SLC5A8: variants seen among roughly 807,000 people sequenced by gnomAD.
SLC5A8 encodes sodium-coupled monocarboxylate transporter 1.
SLC5A8 carries 55 observed loss-of-function variants against 71.9 expected under a neutral mutation model. The observed-to-expected ratio is 0.77, with a 90% confidence interval of 0.62 to 0.96. The LOEUF (loss-of-function observed/expected upper bound fraction) is 0.96. SLC5A8 is among the 40% of genes least tolerant of loss of function. The pLI, the probability that SLC5A8 is intolerant of heterozygous loss-of-function variation, is 0.00. For missense variants in SLC5A8, 701 were observed against 745.3 expected (o/e 0.94, Z 0.69); for synonymous variants, 307 against 276.1 (o/e 1.11, Z -1.11).
chr12:101,199,102 T>C (rs1869322375), intron 3 of SLC5A8, among the ~76,000 whole-genome samples: 1 of 151,976 alleles, frequency 6.6e-6, no homozygotes, highest in African/African-American at 2.4e-5. Context: ...TGTATTTTTA[T>C]ACACTTGCAA....
chr12:101,165,869 T>C (rs1454510818), intron 12 of SLC5A8, among the ~76,000 whole-genome samples: 2 of 152,210 alleles, frequency 1.3e-5, no homozygotes, highest in African/African-American at 2.4e-5. Context: ...TGGACACTTA[T>C]ATATCCACTA....
chr12:101,190,771 C>T (rs1270169150), intron 5 of SLC5A8, among the ~76,000 whole-genome samples, 163 bp from the exon 6 acceptor site: 2 of 152,026 alleles, frequency 1.3e-5, no homozygotes, highest in African/African-American at 2.4e-5. Context: ...ATATTTCCAA[C>T]TTAAGTTCAA....
At chr12:101,181,186 A>C (rs1258477625) in intron 9 of SLC5A8, among the ~76,000 whole-genome samples, 3 of 152,324 alleles carry the variant, frequency 2.0e-5, no homozygotes, top group Admixed American at 6.5e-5. Context: ...TTGAGTAAAT[A>C]ATGCATCTGA....
intron 11 of SLC5A8, among the ~76,000 whole-genome samples, chr12:101,166,964 C>T (rs954482768): frequency 9.2e-5 from 14 of 151,542 alleles, no homozygotes; most frequent in Non-Finnish European, 1.3e-4. Flanking sequence ...AGATAATCTG[C>T]TGGTGAAAAA....
In SLC5A8 at chr12:101,155,828, G is replaced by A. The variant is rs1445333378; in HGVS notation, c.*1451C>T. 1 of 143,710 alleles carries A rather than the reference G, an allele frequency of 7.0e-6. No homozygotes were observed. Among genetic ancestry groups the A allele is most frequent in the Non-Finnish European group, 1.5e-5 (1 of 66,534 alleles). The allele number at this position is 143,710 out of a possible 1,614,324, so 8.9% of individuals were successfully genotyped here. A position where few individuals can be genotyped will look rare whatever the true frequency, so the allele number is the denominator to read the frequency against. On this transcript the variant is annotated 3_prime_UTR_variant, in exon 15 of 15. Transcript: ENST00000536262. ...TTTTTTTTTTAAATTTCTTAACATTGTCAGTTAGCAACCTCTAAATGTACA... is the reference window on the plus strand; with the variant it reads ...TTTTTTTTTTAAATTTCTTAACATTATCAGTTAGCAACCTCTAAATGTACA...
chr12:101,179,637 G>C, intron 10 of SLC5A8, among the ~76,000 whole-genome samples: 1 of 152,296 alleles, frequency 6.6e-6, no homozygotes, highest in African/African-American at 2.4e-5. Flanking sequence ...GGAGGGAGTA[G>C]GGGCAGAAGG....
At chr12:101,174,000 T>G (rs181206819) in intron 10 of SLC5A8, among the ~76,000 whole-genome samples, 1 of 152,252 alleles carries the variant, frequency 6.6e-6, no homozygotes, top group East Asian at 1.9e-4. Context: ...AGGTTTTTCA[T>G]GGTGGCAATT....
Position 101,155,702 on chromosome 12 carries a change from T to G in SLC5A8, c.*1577A>C, listed in dbSNP as rs1023919828. 4 of 151,580 alleles carry G rather than the reference T, an allele frequency of 2.6e-5. No homozygotes were observed. The highest frequency in any genetic ancestry group is 2.0e-4 in the Admixed American group (3 of 15,200). 9.4% of individuals were successfully genotyped at this position (151,580 alleles called of 1,614,324 possible). A position where few individuals can be genotyped will look rare whatever the true frequency, so the allele number is the denominator to read the frequency against. On this transcript the variant is annotated 3_prime_UTR_variant, in exon 15 of 15. Transcript: ENST00000536262. The stretch of plus-strand genomic sequence containing the variant: ...TTTTTGTAGAGATGAGGTCTAACTA[T>G]GTTTCCAGGCTGGACTTAAACTCTG...
At chr12:101,162,192 T>A (rs1216821776) in intron 12 of SLC5A8, 115 bp from the exon 13 acceptor site, 3 of 674,172 alleles carry the variant, frequency 4.4e-6, no homozygotes, top group Non-Finnish European at 7.8e-6. Flanking sequence ...ATGTTTTTAA[T>A]GTCATAACCT....
rs2051738377 is a variant in SLC5A8 at position 101,163,071 on chromosome 12, A to G, written c.1527-994T>C. Among the ~76,000 whole-genome samples the G allele has an allele frequency of 2.0e-5, 3 of 152,156 alleles. No individual in the cohort carries two copies. In the South Asian group the frequency reaches 6.2e-4, roughly 32 times the overall value. On this transcript the variant is annotated intron_variant, in intron 12 of 14. Coordinates refer to ENST00000536262, the MANE Select transcript of SLC5A8 (RefSeq NM_145913.5). ...GAGAAACAAAATGTTCTTGAGGAAA[A>G]CAGAGACTAAACACCAGCTGACTGA...
In SLC5A8 at chr12:101,190,494, A is replaced by G. The variant is rs1363446016; in HGVS notation, c.807T>C (p.Ser269=). The G allele has an allele frequency of 6.2e-7, 1 of 1,612,704 alleles. No homozygotes were observed. The highest frequency in any genetic ancestry group is 8.5e-7 in the Non-Finnish European group (1 of 1,179,500). ...VNQSQVQRYI[S]CKSRFQAKLS... is the part of the protein sequence containing the mutation. ...GTTTTGCCTGGAATCTGCTTTTACA[A>G]GAAATATATCTCTGCACCTGGGATT... is the stretch of plus-strand genomic sequence containing the variant. Residue 269 remains serine, a synonymous_variant, in exon 6 of 15, where the codon TCT becomes TCC. Coordinates refer to ENST00000536262, the MANE Select transcript of SLC5A8 (RefSeq NM_145913.5).
At chr12:101,209,464 G>C in intron 1 of SLC5A8, 34 bp downstream of exon 1, 1 of 1,501,252 alleles carries the variant, frequency 6.7e-7, no homozygotes, top group Non-Finnish European at 9.0e-7. Context: ...CTTCCCCCGC[G>C]CCCTGCATGG....
chr12:101,191,138 A>C (rs907850734), intron 5 of SLC5A8, among the ~76,000 whole-genome samples: 1 of 152,164 alleles, frequency 6.6e-6, no homozygotes, highest in Non-Finnish European at 1.5e-5. Context: ...TTTTCTAAAA[A>C]CTGCATGTCA....
At chr12:101,189,127 C>T (rs1031272861) in intron 6 of SLC5A8, among the ~76,000 whole-genome samples, 21 of 152,150 alleles carry the variant, frequency 1.4e-4, no homozygotes, top group Non-Finnish European at 2.5e-4. Flanking sequence ...GTTATCAAGT[C>T]GGGCTTTTTG....
chr12:101,158,133 G>A lies in SLC5A8; in HGVS notation c.1710+116C>T, dbSNP rs1393669723. 8 of 739,952 alleles carry A rather than the reference G, an allele frequency of 1.1e-5. No homozygotes were observed. In the Admixed American group the frequency reaches 1.9e-4, roughly 18 times the overall value. The allele number at this position is 739,952 out of a possible 1,614,324, so 45.8% of individuals were successfully genotyped here. On this transcript the variant is annotated intron_variant, in intron 14 of 14. Coordinates refer to ENST00000536262, the MANE Select transcript of SLC5A8 (RefSeq NM_145913.5). ...CATATATAGATCATCAGATTATATA[G>A]GGTCTATACCTTCCTTGTCCATCAC...
intron 13 of SLC5A8, among the ~76,000 whole-genome samples, chr12:101,159,246 C>T (rs2051703715): frequency 6.6e-6 from 1 of 152,108 alleles, no homozygotes; most frequent in African/African-American, 2.4e-5. Flanking sequence ...ATTATGGGAA[C>T]CTCTGCTGTT....
intron 5 of SLC5A8, among the ~76,000 whole-genome samples, chr12:101,191,042 A>T (rs533034000): frequency 1.3e-5 from 2 of 152,320 alleles, no homozygotes; most frequent in East Asian, 3.9e-4. Context: ...TGTGTATAGA[A>T]TTCCTCTCCC....
At chr12:101,203,803 C>T (rs947700589) in intron 2 of SLC5A8, among the ~76,000 whole-genome samples, 1 of 152,198 alleles carries the variant, frequency 6.6e-6, no homozygotes, top group Non-Finnish European at 1.5e-5. Flanking sequence ...TTACAATCTT[C>T]CAGAAGCACG....
rs2137147552 is a variant in SLC5A8, at chr12:101,184,219, TGA to T, written c.965_966del (p.Leu322HisfsTer36). 6.2e-7 allele frequency: 1 copy of T among 1,613,276 alleles called. No individual in the cohort carries two copies. Among genetic ancestry groups the T allele is most frequent in the Admixed American group, 1.7e-5 (1 of 59,848 alleles). The stretch of plus-strand genomic sequence containing the variant: ...AGAATGTCCAGTACCAAATAAGGCA[TGA>T]GCTGAAAAATTCCAAAATTTATTTC... ...TAKKVSAPDQ[L>X]MPYLVLDILQ... On this transcript the variant is annotated frameshift_variant and splice_region_variant, in exon 8 of 15. Transcript: ENST00000536262. LOFTEE classifies it high-confidence loss of function.
Sources: allele counts gnomAD v4.1 joint callset (sites outside exome capture counted in the v4.1 genomes callset), GRCh38; gene constraint gnomAD v4.1.1; transcripts MANE v1.5; gene names NCBI Gene and HGNC (gene_info 2026-07-23, HGNC 2026-07-21).